PARD3: variants seen among roughly 807,000 people sequenced by gnomAD.
The protein encoded by PARD3 is partitioning defective 3 homolog.
A neutral mutation model predicts 155.4 loss-of-function variants in PARD3; 75 were observed. The ratio of observed to expected loss-of-function variants is 0.48; its 90% CI spans 0.40 to 0.58. The LOEUF (loss-of-function observed/expected upper bound fraction) is 0.58. Ranked by LOEUF, PARD3 falls within the 20% of genes least tolerant of loss-of-function variation. PARD3 has a pLI of 0.00. For missense variants in PARD3, 1,642 were observed against 1,721.7 expected, an observed-to-expected ratio of 0.95 and a Z score of 0.82; for synonymous variants, 576 against 610.5, an observed-to-expected ratio of 0.94 and a Z score of 0.83.
chr10:34,395,198 C>A (rs1843201171), intron 7 of PARD3, among the ~76,000 whole-genome samples: 2 of 152,052 alleles, frequency 1.3e-5, no homozygotes, highest in Admixed American at 6.6e-5. Context: ...CAATGCCCAG[C>A]TAATTTTTGT....
chr10:34,203,038 C>A (rs192662616), intron 22 of PARD3, among the ~76,000 whole-genome samples: 1 of 151,792 alleles, frequency 6.6e-6, no homozygotes, highest in African/African-American at 2.4e-5. Flanking sequence ...TTTGCTAACA[C>A]CCCCACTCCA....
intron 2 of PARD3, among the ~76,000 whole-genome samples, chr10:34,613,748 T>C (rs1249317263): frequency 6.6e-6 from 1 of 152,228 alleles, no homozygotes; most frequent in Non-Finnish European, 1.5e-5. Context: ...AGTTTTCTCG[T>C]CCACATTCTC....
intron 4 of PARD3, among the ~76,000 whole-genome samples, chr10:34,468,231 G>A (rs2078128350): frequency 6.6e-6 from 1 of 152,198 alleles, no homozygotes; most frequent in Admixed American, 6.5e-5. Flanking sequence ...CCTAGGACCT[G>A]CTCTGCAAAC....
chr10:34,402,580 T>C (rs1230197642), intron 5 of PARD3, among the ~76,000 whole-genome samples: 1 of 152,194 alleles, frequency 6.6e-6, no homozygotes, highest in Non-Finnish European at 1.5e-5. Flanking sequence ...TGTTTACTTC[T>C]GTGCATGAAG....
At chr10:34,120,607 C>A (rs530742049) in intron 23 of PARD3, among the ~76,000 whole-genome samples, 1 of 152,138 alleles carries the variant, frequency 6.6e-6, no homozygotes, top group South Asian at 2.1e-4. Flanking sequence ...AAATTTTAAG[C>A]CAAGATTAGT....
intron 7 of PARD3, among the ~76,000 whole-genome samples, chr10:34,391,338 T>C (rs2132087191): frequency 6.6e-6 from 1 of 152,340 alleles, no homozygotes; most frequent in Middle Eastern, 3.4e-3. Flanking sequence ...GCTAGAATTC[T>C]ATGCACTACT....
intron 22 of PARD3, among the ~76,000 whole-genome samples, chr10:34,199,305 A>G (rs924288849): frequency 2.6e-5 from 4 of 152,202 alleles, no homozygotes; most frequent in African/African-American, 9.6e-5. Context: ...CTTGCTTGCT[A>G]TAAAAACCTA....
intron 22 of PARD3, among the ~76,000 whole-genome samples, chr10:34,158,856 T>A (rs989989951): frequency 3.3e-5 from 5 of 152,222 alleles, no homozygotes; most frequent in African/African-American, 1.2e-4. Flanking sequence ...ACTTCCATTG[T>A]GGACAGACAT....
At chr10:34,556,173 G>C (rs1212998056) in intron 2 of PARD3, among the ~76,000 whole-genome samples, 4 of 152,184 alleles carry the variant, frequency 2.6e-5, no homozygotes, top group Non-Finnish European at 5.9e-5. Context: ...TCTAGTTCTT[G>C]TTTCCCTTAA....
intron 3 of PARD3, among the ~76,000 whole-genome samples, chr10:34,498,040 T>C (rs964822851): frequency 6.6e-6 from 1 of 152,214 alleles, no homozygotes; most frequent in East Asian, 1.9e-4. Flanking sequence ...GAACTTCTTA[T>C]ATTATTTTGA....
At chr10:34,126,847 T>C (rs1229651775) in intron 23 of PARD3, among the ~76,000 whole-genome samples, 2 of 151,504 alleles carry the variant, frequency 1.3e-5, no homozygotes, top group Non-Finnish European at 2.9e-5. Flanking sequence ...AAAGGTCAAC[T>C]TGTGACCCAT....
At chr10:34,448,919 T>C (rs894521523) in intron 5 of PARD3, among the ~76,000 whole-genome samples, 1 of 107,018 alleles carries the variant, frequency 9.3e-6, no homozygotes, top group African/African-American at 1.1e-4. Flanking sequence ...ATAAATTATC[T>C]TTTTTTTTTT....
chr10:34,370,819 TGTG>T (rs1840520559), intron 12 of PARD3, among the ~76,000 whole-genome samples: 1 of 149,768 alleles, frequency 6.7e-6, no homozygotes, highest in Non-Finnish European at 1.5e-5. Context: ...TGTGTGTGTG[TGTG>T]TGTGTGTGTG....
chr10:34,696,220 T>C (rs1178485797), intron 2 of PARD3, 98 bp downstream of exon 2: 1 of 690,482 alleles, frequency 1.4e-6, no homozygotes, highest in African/African-American at 1.8e-5. Context: ...TAATTTAAAG[T>C]ATGTGTCTAA....
At chr10:34,171,053 G>T (rs541880292) in intron 22 of PARD3, among the ~76,000 whole-genome samples, 1 of 152,230 alleles carries the variant, frequency 6.6e-6, no homozygotes, top group East Asian at 1.9e-4. Flanking sequence ...TTTGATCATT[G>T]TTTTCCTCCA....
At chr10:34,527,892 C>T (rs1023845778) in intron 2 of PARD3, among the ~76,000 whole-genome samples, 5 of 152,164 alleles carry the variant, frequency 3.3e-5, no homozygotes, top group Admixed American at 1.3e-4. Flanking sequence ...ACACCTTCTA[C>T]AAAGGAGAGA....
At chr10:34,431,993 G>A (rs2075943704) in intron 5 of PARD3, among the ~76,000 whole-genome samples, 1 of 113,822 alleles carries the variant, frequency 8.8e-6, no homozygotes, top group African/African-American at 3.3e-5. Flanking sequence ...AGTGAGCCGA[G>A]ATCACGCCAC....
At chr10:34,716,584 T>TC (rs1564539909) in intron 1 of PARD3, among the ~76,000 whole-genome samples, 2 of 78,384 alleles carry the variant, frequency 2.6e-5, no homozygotes, top group African/African-American at 8.0e-5. Flanking sequence ...GGATGGCTTT[T>TC]CTTTTTTTTT....
chr10:34,733,606 C>T lies in PARD3; in HGVS notation c.121-37187G>A, dbSNP rs145532874. Among the ~76,000 whole-genome samples, 871 of 152,306 alleles carry T rather than the reference C, an allele frequency of 5.7e-3. 7 individuals are homozygous for T. The highest frequency in any genetic ancestry group is 6.9e-3 in the Non-Finnish European group (471 of 68,036). ...TCAAGCAATTCTCCTGCCTCAGCCT[C>T]CCAAGCAGCTGAGATTACAGGCGTG... On this transcript the variant is annotated intron_variant, in intron 1 of 24. Transcript: ENST00000374788.
Sources: gnomAD v4.1 joint callset for allele counts (sites outside exome capture counted in the v4.1 genomes callset) on GRCh38, gnomAD v4.1.1 for gene constraint, MANE v1.5 for transcripts, NCBI Gene and HGNC (gene_info 2026-07-23, HGNC 2026-07-21) for gene names.